The following UFL1 variants were observed in gnomAD, a reference collection of about 807,000 sequenced individuals.
The protein encoded by UFL1 is UFM1 specific ligase 1.
In UFL1, 78 loss-of-function variants were observed where a neutral mutation model predicts 99.3. The ratio of observed to expected loss-of-function variants is 0.79; its 90% CI spans 0.65 to 0.95. The LOEUF (loss-of-function observed/expected upper bound fraction) is 0.95, where lower values mean the gene tolerates loss of function less well. Among genes scored for constraint, UFL1 ranks in the 40% least tolerant of loss-of-function variants. UFL1 has a pLI of 0.00. For missense variants in UFL1, 936 were observed against 937.0 expected (o/e 1.00, Z 0.01); for synonymous variants, 335 against 322.2 (o/e 1.04, Z -0.42).
At chr6:96,544,646 GTATCTT>G (rs1769976134) in intron 12 of UFL1, among the ~76,000 whole-genome samples, 2 of 151,094 alleles carry the variant, frequency 1.3e-5, no homozygotes, top group South Asian at 4.2e-4. Context: ...TAAAGGAAAA[GTATCTT>G]TATAGGAACT....
chr6:96,524,245 G>A (rs906663793), intron 2 of UFL1, 137 bp from the exon 3 acceptor site: 1 of 707,712 alleles, frequency 1.4e-6, no homozygotes, highest in Non-Finnish European at 2.3e-6. Flanking sequence ...CTAATGGTGT[G>A]TATTTGAAGA....
intron 9 of UFL1, 81 bp downstream of exon 9, chr6:96,537,630 A>T (rs1431264243): frequency 7.3e-7 from 1 of 1,368,766 alleles, no homozygotes; most frequent in East Asian, 2.7e-5. Context: ...AGAAATTAGG[A>T]TACATAAAGG....
At chr6:96,531,682 A>G (rs1472677228) in intron 6 of UFL1, among the ~76,000 whole-genome samples, 1 of 152,186 alleles carries the variant, frequency 6.6e-6, no homozygotes, top group East Asian at 1.9e-4. Context: ...TACTTTGTCA[A>G]AAACTAAAAA....
rs1358099508 is a variant in UFL1 at position 96,553,891 on chromosome 6, T to C, written c.*388T>C. 6.4e-6 allele frequency: 1 copy of C among 156,452 alleles called. No homozygotes were observed. The highest frequency in any genetic ancestry group is 1.4e-5 in the Non-Finnish European group (1 of 71,008). The allele number at this position is 156,452 out of a possible 1,614,324, so 9.7% of individuals were successfully genotyped here. ...TTGCGAGTGCCAGTATACTTAAATG[T>C]ATACTTTATATACATTTAAGCAGAA... On this transcript the variant is annotated 3_prime_UTR_variant, in exon 19 of 19. Coordinates refer to ENST00000369278, the MANE Select transcript of UFL1 (RefSeq NM_015323.5).
chr6:96,551,606 C>A, intron 16 of UFL1, 93 bp downstream of exon 16: 1 of 938,078 alleles, frequency 1.1e-6, no homozygotes, highest in Non-Finnish European at 1.6e-6. Context: ...ATTGTAAATC[C>A]AATCTAAAAC....
chr6:96,552,142 A>T (rs928667706), intron 17 of UFL1, among the ~76,000 whole-genome samples: 1 of 152,062 alleles, frequency 6.6e-6, no homozygotes, highest in Non-Finnish European at 1.5e-5. Context: ...TCTTTATCCT[A>T]TAGTTCATCA....
chr6:96,540,802 T>C, intron 11 of UFL1, 147 bp downstream of exon 11: 1 of 956,568 alleles, frequency 1.0e-6, no homozygotes, highest in Non-Finnish European at 1.5e-6. Flanking sequence ...ATTTTGCTAA[T>C]GTGTTAAGTT....
intron 18 of UFL1, 127 bp from the exon 19 acceptor site, chr6:96,553,158 G>C: frequency 5.2e-6 from 4 of 773,652 alleles, no homozygotes; most frequent in Non-Finnish European, 6.2e-6. Context: ...GATTAGACTT[G>C]CTACTTACAT....
chr6:96,533,254 TC>T (rs373655158), intron 6 of UFL1, among the ~76,000 whole-genome samples: 169 of 150,026 alleles, frequency 1.1e-3, no homozygotes, highest in East Asian at 7.0e-3. Flanking sequence ...GTCATAGGAG[TC>T]CACCCCAAAG....
chr6:96,522,036 T>G, intron 1 of UFL1, 86 bp downstream of exon 1: 1 of 1,415,050 alleles, frequency 7.1e-7, no homozygotes, highest in Non-Finnish European at 9.7e-7. Flanking sequence ...CCCGCGGCCC[T>G]GCATCCCGGG....
chr6:96,538,146 T>C (rs140921920), intron 9 of UFL1, among the ~76,000 whole-genome samples: 15 of 151,924 alleles, frequency 9.9e-5, no homozygotes, highest in Admixed American at 4.6e-4. Context: ...AACTACCTTC[T>C]GTGTGCCAGG....
At chr6:96,538,990 A>G (rs1439023545) in intron 10 of UFL1, among the ~76,000 whole-genome samples, 180 bp downstream of exon 10, 2 of 151,608 alleles carry the variant, frequency 1.3e-5, no homozygotes, top group African/African-American at 4.8e-5. Context: ...TATTCCCATC[A>G]AAACATCTGA....
At chr6:96,521,999 G>T in intron 1 of UFL1, 49 bp downstream of exon 1, 4 of 1,572,886 alleles carry the variant, frequency 2.5e-6, no homozygotes, top group Non-Finnish European at 3.5e-6. Flanking sequence ...GGCCGTGGGC[G>T]GACACGCCTG....
Position 96,521,970 on chromosome 6 carries a change from C to T in UFL1, c.77+20C>T, listed in dbSNP as rs572822034. The T allele has an allele frequency of 9.3e-6, 15 of 1,606,608 alleles. No individual in the cohort carries two copies. In the South Asian group the frequency reaches 1.3e-4, roughly 14 times the overall value. On this transcript the variant is annotated intron_variant, in intron 1 of 18. Transcript: ENST00000369278. ...GCAGAGGTGCCCGACCCTCCCTCTC[C>T]TTTGTGGAGCCCAAATTAGGCCGTG...
At chr6:96,530,843 C>A (rs1425795840) in intron 6 of UFL1, among the ~76,000 whole-genome samples, 1 of 152,154 alleles carries the variant, frequency 6.6e-6, no homozygotes, top group Non-Finnish European at 1.5e-5. Flanking sequence ...TTACTTATCA[C>A]TATTCGGTTC....
chr6:96,531,328 C>T (rs1459258137), intron 6 of UFL1, among the ~76,000 whole-genome samples: 2 of 152,164 alleles, frequency 1.3e-5, no homozygotes, highest in African/African-American at 4.8e-5. Flanking sequence ...CTGATACTTC[C>T]ATTTCTAGTC....
rs1471586293 is a variant in UFL1, at chr6:96,552,358, C to G, written c.1986-124C>G. 3 of 1,090,112 alleles carry G rather than the reference C, an allele frequency of 2.8e-6. No homozygotes were observed. In the African/African-American group the frequency reaches 4.9e-5, roughly 18 times the overall value. The allele number at this position is 1,090,112 out of a possible 1,614,324, so 67.5% of individuals were successfully genotyped here. A position where few individuals can be genotyped will look rare whatever the true frequency, so the allele number is the denominator to read the frequency against. On this transcript the variant is annotated intron_variant, in intron 17 of 18. Transcript: ENST00000369278. The stretch of plus-strand genomic sequence containing the variant: ...GTGTATATCCCATATTGAAAAGTTA[C>G]CTTAAATTTTTATGGAATTAGATAA...
intron 18 of UFL1, 48 bp downstream of exon 18, chr6:96,552,710 A>G (rs780312217): frequency 6.6e-7 from 1 of 1,508,456 alleles, no homozygotes; most frequent in Admixed American, 2.2e-5. Context: ...TTACATTCTG[A>G]ATATTTTGAG....
intron 12 of UFL1, among the ~76,000 whole-genome samples, chr6:96,545,004 G>A (rs1423870795): frequency 2.7e-5 from 4 of 150,932 alleles, no homozygotes; most frequent in African/African-American, 9.7e-5. Flanking sequence ...GATCAACTCA[G>A]TATGAAAGAT....
Sources: gnomAD v4.1 joint callset for allele counts (sites outside exome capture counted in the v4.1 genomes callset) on GRCh38, gnomAD v4.1.1 for gene constraint, MANE v1.5 for transcripts, NCBI Gene and HGNC (gene_info 2026-07-23, HGNC 2026-07-21) for gene names.